Variants in CAMK1D observed in about 807,000 individuals in gnomAD.
The protein encoded by CAMK1D is calcium/calmodulin dependent protein kinase ID.
A neutral mutation model predicts 47.7 loss-of-function variants in CAMK1D; 9 were observed. That is an observed-to-expected ratio of 0.19 (90% CI 0.11 to 0.33). CAMK1D has a LOEUF of 0.33. CAMK1D is among the 10% of genes least tolerant of loss of function. CAMK1D has a pLI of 1.00. For synonymous variants in CAMK1D, 184 were observed against 184.9 expected, an observed-to-expected ratio of 0.99 and a Z score of 0.04; for missense variants, 291 against 488.7, an observed-to-expected ratio of 0.60 and a Z score of 3.81.
At chr10:12,447,843 T>A (rs900011965) in intron 1 of CAMK1D, among the ~76,000 whole-genome samples, 15 of 152,196 alleles carry the variant, frequency 9.9e-5, no homozygotes, top group African/African-American at 3.6e-4. Context: ...TTATTTTTTT[T>A]ACTTATTTTT....
At chr10:12,781,872 TCCTGA>T (rs1298450577) in intron 5 of CAMK1D, among the ~76,000 whole-genome samples, 1 of 151,952 alleles carries the variant, frequency 6.6e-6, no homozygotes, top group East Asian at 1.9e-4. Context: ...GGTCTCAAAC[TCCTGA>T]CCTCAGGTGA....
At chr10:12,817,550 CTG>C (rs1244448784) in intron 8 of CAMK1D, among the ~76,000 whole-genome samples, 1 of 152,194 alleles carries the variant, frequency 6.6e-6, no homozygotes, top group Non-Finnish European at 1.5e-5. Context: ...TTGTGAGCCT[CTG>C]TTTCCTCATT....
chr10:12,799,079 A>G (rs1002464632), intron 6 of CAMK1D, among the ~76,000 whole-genome samples: 3 of 152,174 alleles, frequency 2.0e-5, no homozygotes, highest in Admixed American at 2.0e-4. Context: ...GAGGGATTCC[A>G]TCGTACACCA....
chr10:12,467,983 A>G lies in CAMK1D; in HGVS notation c.93-85242A>G, dbSNP rs1833640988. The stretch of plus-strand genomic sequence containing the variant: ...AAATCTTACAAGTTTACAGTACAAT[A>G]TCATAACCAGGATATTGAAATTGAT... On this transcript the variant is annotated intron_variant, in intron 1 of 10. Coordinates refer to ENST00000619168, the MANE Select transcript of CAMK1D (RefSeq NM_153498.4). Among the ~76,000 whole-genome samples the G allele has an allele frequency of 2.0e-5, 3 of 152,238 alleles. No homozygotes were observed. In the South Asian group the frequency reaches 6.2e-4, roughly 31 times the overall value.
Position 12,649,958 on chromosome 10 carries a change from C to T in CAMK1D, c.225-16778C>T, listed in dbSNP as rs116423048. On this transcript the variant is annotated intron_variant, in intron 2 of 10. Coordinates refer to ENST00000619168, the MANE Select transcript of CAMK1D (RefSeq NM_153498.4). Reference sequence around the variant, plus strand: ...GACTCCAAGCAGGGTTTCCCAGGAACGATTTCACCGTGTTCAACTTCAGCA... The same window carrying T: ...GACTCCAAGCAGGGTTTCCCAGGAATGATTTCACCGTGTTCAACTTCAGCA... Among the ~76,000 whole-genome samples the T allele has an allele frequency of 4.9e-3, 747 of 152,306 alleles. 7 individuals carry two copies. The highest frequency in any genetic ancestry group is 0.017 in the African/African-American group (697 of 41,574).
At position 12,814,345 on chromosome 10, in the gene CAMK1D, C is replaced by T. The variant is rs201798521; in HGVS notation, c.754+38C>T. 1.4e-4 allele frequency: 191 copies of T among 1,345,796 alleles called. 3 individuals are homozygous for T. In the East Asian group the frequency reaches 2.9e-3, roughly 21 times the overall value. 83.4% of individuals were successfully genotyped at this position (1,345,796 alleles called of 1,614,324 possible). On this transcript the variant is annotated intron_variant, in intron 7 of 10. Coordinates refer to ENST00000619168, the MANE Select transcript of CAMK1D (RefSeq NM_153498.4). ...TAGGCAGCTCCCAGTGGGCGGCCCC[C>T]GCGACACTTACACCCAGACCACGTG...
chr10:12,369,498 C>A (rs1035704672), intron 1 of CAMK1D, among the ~76,000 whole-genome samples: 2 of 152,096 alleles, frequency 1.3e-5, no homozygotes, highest in Non-Finnish European at 2.9e-5. Flanking sequence ...GTCATCTCAT[C>A]GGGATGGGGG....
At chr10:12,609,071 G>T (rs979941341) in intron 2 of CAMK1D, among the ~76,000 whole-genome samples, 1 of 152,242 alleles carries the variant, frequency 6.6e-6, no homozygotes, top group African/African-American at 2.4e-5. Context: ...CTGCCAAGGG[G>T]CCATGCATGT....
rs543394024 is a variant in CAMK1D at position 12,455,424 on chromosome 10, T to C, written c.93-97801T>C. On this transcript the variant is annotated intron_variant, in intron 1 of 10. Coordinates refer to ENST00000619168, the MANE Select transcript of CAMK1D (RefSeq NM_153498.4). ...ACTGGGCTCAAGCAGTTCGCCCGCCTTGGCCTTCCAAAGTGTTGGGATTAC... is the reference window on the plus strand; with the variant it reads ...ACTGGGCTCAAGCAGTTCGCCCGCCCTGGCCTTCCAAAGTGTTGGGATTAC... 4.2e-4 allele frequency among the ~76,000 whole-genome samples: 64 copies of C among 152,332 alleles called. No individual in the cohort carries two copies. The South Asian group carries it at 0.013, about 31-fold the overall frequency.
intron 5 of CAMK1D, among the ~76,000 whole-genome samples, chr10:12,786,163 A>T (rs1837715090): frequency 6.6e-6 from 1 of 152,190 alleles, no homozygotes; most frequent in African/African-American, 2.4e-5. Flanking sequence ...GTGTGCCATT[A>T]TGCAATTTTA....
At chr10:12,564,583 T>C (rs1837064214) in intron 2 of CAMK1D, among the ~76,000 whole-genome samples, 1 of 152,220 alleles carries the variant, frequency 6.6e-6, no homozygotes, top group East Asian at 1.9e-4. Flanking sequence ...GCTCTGATGA[T>C]TGGTCTGAAG....
At chr10:12,687,687 T>C (rs1469368397) in intron 3 of CAMK1D, among the ~76,000 whole-genome samples, 1 of 152,166 alleles carries the variant, frequency 6.6e-6, no homozygotes, top group African/African-American at 2.4e-5. Context: ...TTTGCCCCAG[T>C]GCAAACAAGA....
rs544115829 is a variant in CAMK1D, at chr10:12,580,008, A to G, written c.224+26652A>G. Among the ~76,000 whole-genome samples, 13 of 152,270 alleles carry G rather than the reference A, an allele frequency of 8.5e-5. No homozygotes were observed. In the South Asian group the frequency reaches 2.7e-3, roughly 32 times the overall value. ...AATCCTTTAGGAGAGTGTCTGCTCTAAGCTTTTTCCCTTGGCCTCCACTGG... is the reference window on the plus strand; with the variant it reads ...AATCCTTTAGGAGAGTGTCTGCTCTGAGCTTTTTCCCTTGGCCTCCACTGG... On this transcript the variant is annotated intron_variant, in intron 2 of 10. Transcript: ENST00000619168.
intron 1 of CAMK1D, among the ~76,000 whole-genome samples, chr10:12,357,507 T>C (rs1259588057): frequency 2.0e-5 from 3 of 152,118 alleles, no homozygotes; most frequent in Non-Finnish European, 4.4e-5. Flanking sequence ...GTAGAGATTA[T>C]GTTTCAACGT....
chr10:12,547,701 C>CACACACACACACACACACACACACA (rs1554786385), intron 1 of CAMK1D, among the ~76,000 whole-genome samples: 1 of 143,728 alleles, frequency 7.0e-6, no homozygotes, highest in African/African-American at 2.6e-5. Flanking sequence ...CACACACACA[C>CACACACACACACACACACACACACA]CACTGTGTTA....
At chr10:12,469,043 G>A (rs748084627) in intron 1 of CAMK1D, among the ~76,000 whole-genome samples, 3 of 152,066 alleles carry the variant, frequency 2.0e-5, no homozygotes, top group African/African-American at 4.8e-5. Flanking sequence ...TCAAGTGAAC[G>A]GCTCCACAGG....
chr10:12,352,449 C>A (rs1024821804), intron 1 of CAMK1D, among the ~76,000 whole-genome samples: 13 of 151,670 alleles, frequency 8.6e-5, no homozygotes, highest in African/African-American at 2.7e-4. Flanking sequence ...TTGCTACTAA[C>A]AATAACAAAA....
intron 2 of CAMK1D, among the ~76,000 whole-genome samples, chr10:12,638,906 C>G (rs894480917): frequency 1.3e-5 from 2 of 152,190 alleles, no homozygotes; most frequent in Non-Finnish European, 2.9e-5. Context: ...CTCATCCCCC[C>G]ACTTCTCTCC....
chr10:12,559,300 GA>G lies in CAMK1D; in HGVS notation c.224+5950del, dbSNP rs1464984340. On this transcript the variant is annotated intron_variant, in intron 2 of 10. Coordinates refer to ENST00000619168, the MANE Select transcript of CAMK1D (RefSeq NM_153498.4). ...CCATCTCTAAAAAAATAAATAAAAG[GA>G]AAAAACAAAAATATTATGCTGATGC... 5.3e-5 allele frequency among the ~76,000 whole-genome samples: 8 copies of G among 152,066 alleles called. No individual in the cohort carries two copies. In the East Asian group the frequency reaches 1.5e-3, roughly 29 times the overall value.
Sources: allele counts gnomAD v4.1 joint callset (sites outside exome capture counted in the v4.1 genomes callset), GRCh38; gene constraint gnomAD v4.1.1; transcripts MANE v1.5; gene names NCBI Gene and HGNC (gene_info 2026-07-23, HGNC 2026-07-21).